The following PLEKHA5 variants were observed in gnomAD, a reference collection of about 807,000 sequenced individuals.
The protein encoded by PLEKHA5 is pleckstrin homology domain-containing family A member 5.
In PLEKHA5, 55 loss-of-function variants were observed where a neutral mutation model predicts 181.9. The observed-to-expected ratio is 0.30, with a 90% CI of 0.24 to 0.38. PLEKHA5 has a LOEUF of 0.38. PLEKHA5 is among the 10% of genes least tolerant of loss of function. The pLI is 1.00. For synonymous variants in PLEKHA5, 535 were observed against 529.4 expected (o/e 1.01, Z -0.15); for missense variants, 1,432 against 1,549.5 (o/e 0.92, Z 1.27).
In PLEKHA5 at chr12:19,197,676, CTGTGTGTGTGTGTGTGTG is replaced by C. The variant is rs3056412; in HGVS notation, c.228-56224_228-56207del. On this transcript the variant is annotated intron_variant, in intron 3 of 31. Transcript: ENST00000429027. ...TTGAAGTCACAGAGTCTATCCGGTG[CTGTGTGTGTGTGTGTGTG>C]TGTGTGTGTGTGTGTGTGTGTGTGT... Among the ~76,000 whole-genome samples, 877 of 111,020 alleles carry C rather than the reference CTGTGTGTGTGTGTGTGTG, an allele frequency of 7.9e-3. 6 individuals are homozygous for C. The highest frequency in any genetic ancestry group is 0.012 in the Non-Finnish European group (634 of 52,778). The allele number at this position is 111,020 out of a possible 152,430, so 72.8% of individuals were successfully genotyped here.
At chr12:19,182,930 T>G (rs1261734433) in intron 3 of PLEKHA5, among the ~76,000 whole-genome samples, 1 of 152,182 alleles carries the variant, frequency 6.6e-6, no homozygotes, top group Non-Finnish European at 1.5e-5. Context: ...AGAATAATGT[T>G]TAAACGTCCC....
intron 3 of PLEKHA5, among the ~76,000 whole-genome samples, chr12:19,142,616 G>A (rs976068825): frequency 6.6e-6 from 1 of 152,100 alleles, no homozygotes; most frequent in Non-Finnish European, 1.5e-5. Context: ...TAGTGTATAA[G>A]TGTAAGGTGT....
intron 15 of PLEKHA5, among the ~76,000 whole-genome samples, chr12:19,311,740 TA>T (rs551187396): frequency 1.3e-5 from 2 of 152,194 alleles, no homozygotes; most frequent in Non-Finnish European, 2.9e-5. Flanking sequence ...ACTGAAGTTC[TA>T]AACCCCTCAA....
At chr12:19,349,791 A>G (rs924159716) in intron 25 of PLEKHA5, among the ~76,000 whole-genome samples, 1 of 151,956 alleles carries the variant, frequency 6.6e-6, no homozygotes, top group African/African-American at 2.4e-5. Context: ...AGCCTGGCCA[A>G]TATGGTGAAA....
At chr12:19,323,867 T>C (rs114729821) in intron 20 of PLEKHA5, among the ~76,000 whole-genome samples, 6,917 of 151,358 alleles carry the variant, frequency 0.046, 178 homozygotes, top group South Asian at 0.06. Flanking sequence ...GTGTAACTCA[T>C]AGTCATATAA....
chr12:19,197,472 C>T (rs1241750953), intron 3 of PLEKHA5, among the ~76,000 whole-genome samples: 3 of 152,072 alleles, frequency 2.0e-5, no homozygotes, highest in Admixed American at 1.3e-4. Flanking sequence ...AATTTCACTA[C>T]GGTAACCACA....
At chr12:19,370,316 A>G (rs1460484566) in intron 31 of PLEKHA5, among the ~76,000 whole-genome samples, 1 of 152,242 alleles carries the variant, frequency 6.6e-6, no homozygotes, top group East Asian at 1.9e-4. Flanking sequence ...CTATTAAGTC[A>G]GGGAGGTAAT....
In PLEKHA5 at chr12:19,160,421, A is replaced by C. The variant is rs146150606; in HGVS notation, c.227+27971A>C. Among the ~76,000 whole-genome samples, 512 of 152,226 alleles carry C rather than the reference A, an allele frequency of 3.4e-3. 4 individuals are homozygous for C. The highest frequency in any genetic ancestry group is 0.012 in the African/African-American group (492 of 41,576). On this transcript the variant is annotated intron_variant, in intron 3 of 31. Coordinates refer to ENST00000429027, the MANE Select transcript of PLEKHA5 (RefSeq NM_001256470.2). ...CAACCAAATGGGACATAACAACAATATACTCCTTGAAAAAATGTTTTTTCT... is the reference window on the plus strand; with the variant it reads ...CAACCAAATGGGACATAACAACAATCTACTCCTTGAAAAAATGTTTTTTCT...
intron 3 of PLEKHA5, among the ~76,000 whole-genome samples, chr12:19,184,160 C>T (rs145379493): frequency 3.3e-5 from 5 of 152,204 alleles, no homozygotes; most frequent in South Asian, 2.1e-4. Context: ...TAAAAATCCT[C>T]GGGGAATGGC....
intron 3 of PLEKHA5, among the ~76,000 whole-genome samples, chr12:19,138,179 T>G (rs2036226406): frequency 6.6e-6 from 1 of 152,198 alleles, no homozygotes; most frequent in South Asian, 2.1e-4. Flanking sequence ...GATGCTCTTT[T>G]CTTGTGACTG....
intron 13 of PLEKHA5, among the ~76,000 whole-genome samples, 155 bp from the exon 14 acceptor site, chr12:19,290,522 A>T: frequency 6.6e-6 from 1 of 152,336 alleles, no homozygotes; most frequent in Non-Finnish European, 1.5e-5. Flanking sequence ...ATATCTATGC[A>T]TTTATGTAGG....
At chr12:19,304,530 T>G (rs1396089492) in intron 15 of PLEKHA5, among the ~76,000 whole-genome samples, 3 of 152,252 alleles carry the variant, frequency 2.0e-5, no homozygotes, top group Non-Finnish European at 2.9e-5. Flanking sequence ...TCAACTCATC[T>G]GGACCTTGAA....
At chr12:19,328,633 C>T (rs1018776387) in intron 20 of PLEKHA5, among the ~76,000 whole-genome samples, 2 of 151,006 alleles carry the variant, frequency 1.3e-5, no homozygotes, top group South Asian at 2.1e-4. Flanking sequence ...ATTTGGCTCT[C>T]AGCTTGAACA....
intron 20 of PLEKHA5, among the ~76,000 whole-genome samples, chr12:19,334,829 A>ATATATAT (rs1555165772): frequency 1.6e-4 from 3 of 18,590 alleles, no homozygotes; most frequent in Admixed American, 8.8e-4. Flanking sequence ...AAAAAAAAAA[A>ATATATAT]ATATATATAT....
chr12:19,246,946 A>G (rs553684474), intron 3 of PLEKHA5, among the ~76,000 whole-genome samples: 2 of 150,188 alleles, frequency 1.3e-5, no homozygotes, highest in Admixed American at 1.4e-4. Flanking sequence ...TTGAAACACC[A>G]TATTAACAAA....
chr12:19,275,199 C>A (rs1420524758), intron 11 of PLEKHA5, among the ~76,000 whole-genome samples: 1 of 152,136 alleles, frequency 6.6e-6, no homozygotes, highest in African/African-American at 2.4e-5. Flanking sequence ...AGGAGTCATC[C>A]TTCCTGGCCA....
chr12:19,335,233 A>C (rs1435771024), intron 20 of PLEKHA5, among the ~76,000 whole-genome samples: 1 of 151,162 alleles, frequency 6.6e-6, no homozygotes, highest in Non-Finnish European at 1.5e-5. Flanking sequence ...GGGTCTCTCT[A>C]TGTTGCCCAG....
chr12:19,158,473 A>G (rs2042276587), intron 3 of PLEKHA5, among the ~76,000 whole-genome samples: 1 of 152,198 alleles, frequency 6.6e-6, no homozygotes, highest in African/African-American at 2.4e-5. Flanking sequence ...AGCTTGAAGA[A>G]TGTGTACTTT....
At chr12:19,306,664 C>T in intron 15 of PLEKHA5, 2 of 1,453,198 alleles carry the variant, frequency 1.4e-6, no homozygotes, top group South Asian at 1.2e-5. Context: ...ACTGATCTCC[C>T]CGGGCGCTAG....
Sources: gnomAD v4.1 joint callset for allele counts (sites outside exome capture counted in the v4.1 genomes callset) on GRCh38, gnomAD v4.1.1 for gene constraint, MANE v1.5 for transcripts, NCBI Gene and HGNC (gene_info 2026-07-23, HGNC 2026-07-21) for gene names.